ERC1: variants seen among roughly 807,000 people sequenced by gnomAD.
ERC1 encodes the protein ELKS/RAB6-interacting/CAST family member 1.
ERC1 carries 56 observed loss-of-function variants against 132.0 expected under a neutral mutation model. That is an observed-to-expected ratio of 0.42 (90% confidence interval 0.34 to 0.53). The LOEUF is 0.53. Ranked by LOEUF, ERC1 falls within the 20% of genes least tolerant of loss-of-function variation. The probability of loss-of-function intolerance (pLI) is 0.03; values close to 1 mark genes in which losing one functional copy is unlikely to be tolerated. For missense variants in ERC1, 1,202 were observed against 1,349.9 expected, an observed-to-expected ratio of 0.89 and a Z score of 1.72; for synonymous variants, 478 against 476.1, an observed-to-expected ratio of 1.00 and a Z score of -0.05.
intron 1 of ERC1, among the ~76,000 whole-genome samples, chr12:1,003,098 AAAAAAAAAAAAAAAAAGACTC>A (rs1962761865): frequency 8.2e-6 from 1 of 121,874 alleles, no homozygotes; most frequent in South Asian, 2.5e-4. Flanking sequence ...GAAAAATGCA[AAAAAAAAAAAAAAAAAGACTC>A]AAAAAAAAAA....
intron 11 of ERC1, among the ~76,000 whole-genome samples, chr12:1,186,106 T>G (rs1442498932): frequency 1.3e-5 from 2 of 152,250 alleles, no homozygotes; most frequent in African/African-American, 4.8e-5. Flanking sequence ...TAACAAAATT[T>G]ACATAAATGT....
intron 18 of ERC1, among the ~76,000 whole-genome samples, chr12:1,468,531 G>A (rs1253414301): frequency 6.6e-6 from 1 of 152,150 alleles, no homozygotes; most frequent in African/African-American, 2.4e-5. Context: ...GAACCCGGGA[G>A]GTGGAGGTTG....
intron 1 of ERC1, among the ~76,000 whole-genome samples, chr12:1,023,002 C>T (rs1666642385): frequency 6.6e-6 from 1 of 152,160 alleles, no homozygotes; most frequent in Admixed American, 6.5e-5. Flanking sequence ...GTGTTTGCTT[C>T]CCCTTCTGCC....
intron 17 of ERC1, among the ~76,000 whole-genome samples, chr12:1,412,671 C>A (rs1417142799): frequency 6.6e-6 from 1 of 152,178 alleles, no homozygotes; most frequent in Non-Finnish European, 1.5e-5. Flanking sequence ...TCCACCTGCC[C>A]TGTGACCTTG....
chr12:1,315,719 G>C (rs1566568396), intron 15 of ERC1, among the ~76,000 whole-genome samples: 1 of 152,116 alleles, frequency 6.6e-6, no homozygotes, highest in East Asian at 1.9e-4. Flanking sequence ...ATTAGAGAGA[G>C]AGAAAGCCAG....
intron 2 of ERC1, among the ~76,000 whole-genome samples, chr12:1,057,305 G>A (rs1973146576): frequency 6.6e-6 from 1 of 151,892 alleles, no homozygotes; most frequent in Non-Finnish European, 1.5e-5. Context: ...TGTGTTTTTA[G>A]TAGAGACTGG....
chr12:1,334,068 A>G (rs193228871), intron 15 of ERC1, among the ~76,000 whole-genome samples: 2 of 151,964 alleles, frequency 1.3e-5, no homozygotes, highest in African/African-American at 4.8e-5. Context: ...GCGTCTGTTT[A>G]TGTATTTTGC....
At chr12:1,150,868 T>A (rs1464463177) in intron 8 of ERC1, among the ~76,000 whole-genome samples, 1 of 152,154 alleles carries the variant, frequency 6.6e-6, no homozygotes, top group Non-Finnish European at 1.5e-5. Flanking sequence ...TAATGACATA[T>A]CCCAGGCAAT....
At position 1,286,788 on chromosome 12, in the gene ERC1, A is replaced by G. The variant is rs557398230; in HGVS notation, c.2620-3064A>G. 7.0e-4 allele frequency among the ~76,000 whole-genome samples: 106 copies of G among 152,356 alleles called. No individual in the cohort carries two copies. The South Asian group carries it at 8.5e-3, about 12-fold the overall frequency. On this transcript the variant is annotated intron_variant, in intron 14 of 18. Coordinates refer to ENST00000360905, the MANE Select transcript of ERC1 (RefSeq NM_178040.4). Reference sequence around the variant, plus strand: ...TTTTGTAAAAACGATACTGTTTACTAGAAAATTAAGCATATAAAGTACCTA... The same window carrying G: ...TTTTGTAAAAACGATACTGTTTACTGGAAAATTAAGCATATAAAGTACCTA...
At position 1,361,442 on chromosome 12, in the gene ERC1, A is replaced by T. The variant is rs556710163; in HGVS notation, c.2781-10391A>T. Reference sequence around the variant, plus strand: ...ATAAAAAAATAAAAATTAAATTAAAAATTGCCTGTTTTTATTAAACTAGTA... The same window carrying T: ...ATAAAAAAATAAAAATTAAATTAAATATTGCCTGTTTTTATTAAACTAGTA... On this transcript the variant is annotated intron_variant, in intron 15 of 18. Coordinates refer to ENST00000360905, the MANE Select transcript of ERC1 (RefSeq NM_178040.4). 1.8e-3 allele frequency among the ~76,000 whole-genome samples: 276 copies of T among 152,280 alleles called. 1 individual carries two copies. Among genetic ancestry groups the T allele is most frequent in the Admixed American group, 3.0e-3 (46 of 15,296 alleles).
At chr12:1,480,738 G>A (rs7295516) in intron 18 of ERC1, 77 of 675,372 alleles carry the variant, frequency 1.1e-4, no homozygotes, top group Non-Finnish European at 1.9e-4. Flanking sequence ...GTGGGAGGGG[G>A]TGTGGGTAGT....
chr12:1,369,578 T>G (rs2086984144), intron 15 of ERC1, among the ~76,000 whole-genome samples: 1 of 152,160 alleles, frequency 6.6e-6, no homozygotes, highest in South Asian at 2.1e-4. Flanking sequence ...TCCAGCTTGG[T>G]CAGTCTTTGA....
At chr12:994,755 AG>A (rs1415998561) in intron 1 of ERC1, among the ~76,000 whole-genome samples, 4 of 152,146 alleles carry the variant, frequency 2.6e-5, no homozygotes, top group African/African-American at 9.7e-5. Flanking sequence ...TGGGAGGCCG[AG>A]GTGGGAGGAT....
intron 13 of ERC1, among the ~76,000 whole-genome samples, chr12:1,250,387 G>C (rs1407451056): frequency 6.6e-6 from 1 of 151,968 alleles, no homozygotes; most frequent in African/African-American, 2.4e-5. Flanking sequence ...TCAATACATT[G>C]TTTTATAATT....
At chr12:1,412,172 A>T (rs1322554100) in intron 17 of ERC1, among the ~76,000 whole-genome samples, 2 of 152,196 alleles carry the variant, frequency 1.3e-5, no homozygotes, top group Admixed American at 6.5e-5. Flanking sequence ...CCCCTAAAAC[A>T]CTGCAGAAGT....
At chr12:1,263,308 C>T in intron 14 of ERC1, 143 bp downstream of exon 14, 1 of 695,896 alleles carries the variant, frequency 1.4e-6, no homozygotes. Context: ...CCAAGGAGTT[C>T]CTTCATAGCG....
At chr12:1,300,420 G>A (rs572736061) in intron 15 of ERC1, among the ~76,000 whole-genome samples, 1 of 151,764 alleles carries the variant, frequency 6.6e-6, no homozygotes, top group East Asian at 1.9e-4. Flanking sequence ...TGACAAAGAC[G>A]CCAAAAGCTG....
intron 14 of ERC1, among the ~76,000 whole-genome samples, chr12:1,266,594 G>A (rs1186383529): frequency 3.3e-5 from 5 of 151,296 alleles, no homozygotes; most frequent in Admixed American, 6.6e-5. Flanking sequence ...TAGTAGAGAC[G>A]GGGTTTCACC....
intron 16 of ERC1, among the ~76,000 whole-genome samples, chr12:1,395,133 T>C (rs538112597): frequency 1.1e-4 from 16 of 152,204 alleles, no homozygotes; most frequent in Non-Finnish European, 2.1e-4. Context: ...GGATGTGAGA[T>C]CTGTACTCCA....
Sources: allele counts gnomAD v4.1 joint callset (sites outside exome capture counted in the v4.1 genomes callset), GRCh38; gene constraint gnomAD v4.1.1; transcripts MANE v1.5; gene names NCBI Gene and HGNC (gene_info 2026-07-23, HGNC 2026-07-21).